Variants in SLC36A1 observed in about 807,000 individuals in gnomAD.
SLC36A1 encodes proton-coupled amino acid transporter 1.
Under a neutral mutation model 47.5 loss-of-function variants are expected in SLC36A1, and 30 were observed. The ratio of observed to expected loss-of-function variants is 0.63; its 90% CI spans 0.47 to 0.86. The LOEUF (loss-of-function observed/expected upper bound fraction) is 0.86. SLC36A1 is among the 40% of genes least tolerant of loss of function. The pLI is 0.00. For synonymous variants in SLC36A1, 255 were observed against 249.7 expected (o/e 1.02, Z -0.20); for missense variants, 517 against 606.0 (o/e 0.85, Z 1.54).
chr5:151,496,992 C>A (rs532749936), downstream of SLC36A1, among the ~76,000 whole-genome samples: 2 of 152,054 alleles, frequency 1.3e-5, no homozygotes, highest in Non-Finnish European at 2.9e-5. Context: ...TTTCTGTACT[C>A]GATAATTCTA....
the SLC36A1 span, among the ~76,000 whole-genome samples, chr5:151,538,956 G>T: frequency 6.6e-6 from 1 of 152,112 alleles, no homozygotes; most frequent in African/African-American, 2.4e-5. Context: ...AAAGTGCTTG[G>T]ATTACAGACG....
At chr5:151,451,090 A>G (rs1369609657) in intron 1 of SLC36A1, 2 of 152,342 alleles carry the variant, frequency 1.3e-5, no homozygotes, top group East Asian at 1.9e-4. Context: ...GGCATTGTAA[A>G]TAGGCTGAAA....
At chr5:151,362,656 G>T in the SLC36A1 span, among the ~76,000 whole-genome samples, 1 of 152,162 alleles carries the variant, frequency 6.6e-6, no homozygotes, top group African/African-American at 2.4e-5. Flanking sequence ...CTCCCAAAGT[G>T]CTGGGATTAT....
chr5:151,521,700 C>T, the SLC36A1 span: 1,183,528 of 1,613,612 alleles, frequency 0.73, 437,052 homozygotes, highest in East Asian at 0.95. Flanking sequence ...AGCCCATCCA[C>T]ATGGCCTGCT....
chr5:151,369,820 A>C, the SLC36A1 span, among the ~76,000 whole-genome samples: 28,006 of 149,800 alleles, frequency 0.19, 2,892 homozygotes, highest in East Asian at 0.41. Context: ...TTTGAGACAG[A>C]GTCTCCCTCT....
At chr5:151,537,127 G>C in the SLC36A1 span, among the ~76,000 whole-genome samples, 1 of 151,464 alleles carries the variant, frequency 6.6e-6, no homozygotes, top group African/African-American at 2.4e-5. Context: ...TATTCCCATA[G>C]CTAGCAAAAA....
intron 1 of SLC36A1, among the ~76,000 whole-genome samples, chr5:151,448,616 C>T (rs1319522313): frequency 6.6e-6 from 1 of 152,190 alleles, no homozygotes; most frequent in African/African-American, 2.4e-5. Flanking sequence ...AGAGCCCTGA[C>T]GTTAACTTGA....
the SLC36A1 span, among the ~76,000 whole-genome samples, chr5:151,385,297 C>T: frequency 6.6e-6 from 1 of 152,162 alleles, no homozygotes; most frequent in African/African-American, 2.4e-5. Context: ...TAGACTAAGC[C>T]ATGTGCTGTT....
At chr5:151,376,028 A>G in the SLC36A1 span, among the ~76,000 whole-genome samples, 5 of 152,018 alleles carry the variant, frequency 3.3e-5, no homozygotes, top group African/African-American at 1.2e-4. Flanking sequence ...TTCCAGTACC[A>G]TGTTGAATAG....
upstream of SLC36A1, among the ~76,000 whole-genome samples, chr5:151,433,675 C>T (rs974784720): frequency 6.6e-6 from 1 of 152,028 alleles, no homozygotes; most frequent in African/African-American, 2.4e-5. Context: ...ACTCACTCAG[C>T]CAGGTGAAGA....
the SLC36A1 span, among the ~76,000 whole-genome samples, chr5:151,514,558 C>T: frequency 5.1e-4 from 77 of 152,366 alleles, 1 homozygote; most frequent in Admixed American, 2.2e-3. Flanking sequence ...TCACGAGCCT[C>T]TCTTTAATTT....
At chr5:151,546,165 A>C in the SLC36A1 span, 5 of 1,614,168 alleles carry the variant, frequency 3.1e-6, no homozygotes, top group South Asian at 2.2e-5. Context: ...GGGCACTCCT[A>C]TCTGAGGGAT....
chr5:151,464,549 G>A lies in SLC36A1; in HGVS notation c.270G>A (p.Val90=), dbSNP rs763244122. ...TCAGCCTGCTGATCATAGGCATCGTGGCCGTGCACTGCATGGGTATCCTGG... is the reference window on the plus strand; with the variant it reads ...TCAGCCTGCTGATCATAGGCATCGTAGCCGTGCACTGCATGGGTATCCTGG... ...GPISLLIIGI[V]AVHCMGILVK... The change falls in exon 4 of 11, where the codon GTG becomes GTA. Residue 90 remains valine, a synonymous_variant. Coordinates refer to ENST00000243389, the MANE Select transcript of SLC36A1 (RefSeq NM_078483.4). 6.2e-7 allele frequency: 1 copy of A among 1,614,008 alleles called. No individual in the cohort carries two copies. Among genetic ancestry groups the A allele is most frequent in the South Asian group, 1.1e-5 (1 of 91,080 alleles).
intron 7 of SLC36A1, among the ~76,000 whole-genome samples, chr5:151,471,801 C>A (rs1256014566): frequency 9.2e-5 from 14 of 152,092 alleles, no homozygotes. Flanking sequence ...CTTTTACTTG[C>A]CTGAAATTAT....
the SLC36A1 span, among the ~76,000 whole-genome samples, chr5:151,383,571 ATTTTT>A: frequency 7.6e-6 from 1 of 132,448 alleles, no homozygotes; most frequent in Non-Finnish European, 1.6e-5. Flanking sequence ...TTTAACTTAA[ATTTTT>A]TTTTTTTTTT....
chr5:151,405,925 T>G, the SLC36A1 span, among the ~76,000 whole-genome samples: 1 of 152,216 alleles, frequency 6.6e-6, no homozygotes, highest in South Asian at 2.1e-4. Context: ...GTAGTACAAT[T>G]CAGGCTGCAA....
the SLC36A1 span, among the ~76,000 whole-genome samples, chr5:151,405,826 GGGCCAAGACTCTGTTT>G: frequency 4.6e-5 from 7 of 152,106 alleles, no homozygotes; most frequent in African/African-American, 1.4e-4. Flanking sequence ...TGCTTTTAGA[GGGCCAAGACTCTGTTT>G]GGCTTCCTTA....
At chr5:151,507,039 C>A in the SLC36A1 span, 8 of 895,176 alleles carry the variant, frequency 8.9e-6, no homozygotes, top group South Asian at 1.4e-4. Flanking sequence ...ATGTCCCATC[C>A]CAAAGGGTTG....
the SLC36A1 span, among the ~76,000 whole-genome samples, chr5:151,400,521 C>A: frequency 6.6e-6 from 1 of 152,076 alleles, no homozygotes; most frequent in South Asian, 2.1e-4. Flanking sequence ...GGTATATACC[C>A]AGTAGTGGGA....
Sources: allele counts gnomAD v4.1 joint callset (sites outside exome capture counted in the v4.1 genomes callset), GRCh38; gene constraint gnomAD v4.1.1; transcripts MANE v1.5; gene names NCBI Gene and HGNC (gene_info 2026-07-23, HGNC 2026-07-21).